AP3D1: variants seen among roughly 807,000 people sequenced by gnomAD.
AP3D1 encodes adaptor related protein complex 3 subunit delta 1.
Under a neutral mutation model 147.6 loss-of-function variants are expected in AP3D1, and 51 were observed. The observed-to-expected ratio is 0.35, with a 90% CI of 0.28 to 0.44. The LOEUF (loss-of-function observed/expected upper bound fraction) is 0.44. AP3D1 is among the 20% of genes least tolerant of loss of function. The pLI, the probability that AP3D1 is intolerant of heterozygous loss-of-function variation, is 1.00. For missense variants in AP3D1, 1,421 were observed against 1,624.2 expected, an observed-to-expected ratio of 0.87 and a Z score of 2.15; for synonymous variants, 760 against 663.0, an observed-to-expected ratio of 1.15 and a Z score of -2.25.
chr19:2,101,902 G>T lies in AP3D1; in HGVS notation c.*271C>A. 1 of 459,862 alleles carries T rather than the reference G, an allele frequency of 2.2e-6. No individual in the cohort carries two copies. The allele number at this position is 459,862 out of a possible 1,614,324, so 28.5% of individuals were successfully genotyped here. A position where few individuals can be genotyped will look rare whatever the true frequency, so the allele number is the denominator to read the frequency against. ...GGACTCGGCCCCCAGCGCGGGGCAG[G>T]GCACAGACCCAGGTGGGGGAGTCCC... On this transcript the variant is annotated 3_prime_UTR_variant, in exon 32 of 32. Transcript: ENST00000643116.
chr19:2,121,689 G>GAGAA lies in AP3D1; in HGVS notation c.1101+41_1101+44dup, dbSNP rs140896086. 2.2e-4 allele frequency: 341 copies of GAGAA among 1,535,496 alleles called. No homozygotes were observed. In the African/African-American group the frequency reaches 4.1e-3, roughly 18 times the overall value. ...TGCACCTGACACTTAATGTCCCTTA[G>GAGAA]AGAACTAAGGCCAGGCGGGCGGGCG... On this transcript the variant is annotated intron_variant, in intron 12 of 31. Transcript: ENST00000643116.
At position 2,101,883 on chromosome 19, in the gene AP3D1, G is replaced by A. The variant is rs1315248242; in HGVS notation, c.*290C>T. ...CCCCTGAAGCCACATTCAAGGACTC[G>A]GCCCCCAGCGCGGGGCAGGGCACAG... On this transcript the variant is annotated 3_prime_UTR_variant, in exon 32 of 32. Coordinates refer to ENST00000643116, the MANE Select transcript of AP3D1 (RefSeq NM_001261826.3). 1.5e-5 allele frequency: 6 copies of A among 397,336 alleles called. No individual in the cohort carries two copies. The highest frequency in any genetic ancestry group is 1.1e-4 in the African/African-American group (5 of 47,392). 24.6% of individuals were successfully genotyped at this position (397,336 alleles called of 1,614,324 possible). A position where few individuals can be genotyped will look rare whatever the true frequency, so the allele number is the denominator to read the frequency against.
intron 1 of AP3D1, chr19:2,164,030 C>CGCGGCGGCG (rs576715318): frequency 5.3e-5 from 16 of 301,060 alleles, no homozygotes; most frequent in African/African-American, 2.7e-4. Flanking sequence ...CGGACCGGAG[C>CGCGGCGGCG]GCGGCGGCGG....
chr19:2,124,588 T>C (rs970568535), intron 9 of AP3D1, among the ~76,000 whole-genome samples: 1 of 152,158 alleles, frequency 6.6e-6, no homozygotes, highest in African/African-American at 2.4e-5. Flanking sequence ...TGCGTGTGCA[T>C]GTGTTTTCTT....
At chr19:2,142,757 T>G (rs909332837) in intron 1 of AP3D1, among the ~76,000 whole-genome samples, 5 of 71,678 alleles carry the variant, frequency 7.0e-5, no homozygotes, top group Admixed American at 1.4e-4. Flanking sequence ...TTTTTTCTGT[T>G]TTTTTTTTTT....
rs61583847 is a variant in AP3D1 at position 2,137,001 on chromosome 19, G to C, written c.354+10C>G. 0.033 allele frequency: 52,650 copies of C among 1,579,858 alleles called. 2,213 individuals carry two copies. Among genetic ancestry groups the C allele is most frequent in the East Asian group, 0.18 (7,579 of 42,348 alleles). On this transcript the variant is annotated intron_variant, in intron 4 of 31. Coordinates refer to ENST00000643116, the MANE Select transcript of AP3D1 (RefSeq NM_001261826.3). ...TCAGCACAGAGCGGCCCCGGCCCGG[G>C]AACACCCACCTTACGGATCTGATTG...
At chr19:2,122,531 G>A (rs1253259254) in intron 11 of AP3D1, among the ~76,000 whole-genome samples, 1 of 152,226 alleles carries the variant, frequency 6.6e-6, no homozygotes, top group Non-Finnish European at 1.5e-5. Flanking sequence ...CTGACACGGC[G>A]GGCGGTACTG....
chr19:2,146,607 CAAAAA>C (rs397859951), intron 1 of AP3D1, among the ~76,000 whole-genome samples: 1 of 66,658 alleles, frequency 1.5e-5, no homozygotes. Context: ...GACCCTGTCT[CAAAAA>C]AAAAAAAAAA....
At position 2,114,739 on chromosome 19, in the gene AP3D1, T is replaced by C; in HGVS notation, c.2423+9A>G. 6.3e-7 allele frequency: 1 copy of C among 1,584,790 alleles called. No individual in the cohort carries two copies. The highest frequency in any genetic ancestry group is 8.6e-7 in the Non-Finnish European group (1 of 1,160,662). ...CCTCCACCCTCACCCTGAACCCATA[T>C]GGACTCACTTATCCAGGTCAATATC... On this transcript the variant is annotated intron_variant, in intron 21 of 31. Coordinates refer to ENST00000643116, the MANE Select transcript of AP3D1 (RefSeq NM_001261826.3).
intron 12 of AP3D1, 111 bp from the exon 13 acceptor site, chr19:2,121,422 G>A (rs1011514909): frequency 8.7e-6 from 12 of 1,371,822 alleles, no homozygotes; most frequent in South Asian, 5.2e-5. Flanking sequence ...AGGCGGACCC[G>A]GATTCACAGA....
intron 1 of AP3D1, among the ~76,000 whole-genome samples, chr19:2,147,156 C>T (rs533723261): frequency 1.3e-5 from 2 of 152,180 alleles, no homozygotes; most frequent in Admixed American, 6.5e-5. Context: ...ACCAGCCTGA[C>T]CAACATGGAG....
chr19:2,109,560 C>G, intron 29 of AP3D1: 1 of 487,822 alleles, frequency 2.0e-6, no homozygotes, highest in South Asian at 2.7e-5. Flanking sequence ...GGGTGCCGCA[C>G]GCCAAGCCGT....
intron 1 of AP3D1, among the ~76,000 whole-genome samples, chr19:2,144,527 C>T (rs1568307323): frequency 1.3e-5 from 2 of 152,178 alleles, no homozygotes; most frequent in Non-Finnish European, 1.5e-5. Flanking sequence ...TAGTCCAGCC[C>T]CAGCCCGTCT....
At chr19:2,108,545 G>A (rs1440061836) in intron 31 of AP3D1, 142 bp downstream of exon 31, 1 of 728,628 alleles carries the variant, frequency 1.4e-6, no homozygotes, top group South Asian at 1.8e-5. Context: ...GCTGGCACAG[G>A]TGAGGGGCTC....
Position 2,136,155 on chromosome 19 carries a change from C to T in AP3D1, c.354+856G>A, listed in dbSNP as rs956056095. Reference sequence around the variant, plus strand: ...TCTAGGGCGCATGTCGCCCGCGGCCCAGGCGGGACGCCCAGCTCTATAACC... The same window carrying T: ...TCTAGGGCGCATGTCGCCCGCGGCCTAGGCGGGACGCCCAGCTCTATAACC... On this transcript the variant is annotated intron_variant, in intron 4 of 31. Transcript: ENST00000643116. Among the ~76,000 whole-genome samples the T allele has an allele frequency of 9.2e-5, 14 of 152,254 alleles. No individual in the cohort carries two copies. In the East Asian group the frequency reaches 1.9e-3, roughly 21 times the overall value.
chr19:2,121,005 G>T lies in AP3D1; in HGVS notation c.1338C>A (p.Ile446=). 6.2e-7 allele frequency: 1 copy of T among 1,612,368 alleles called. No individual in the cohort carries two copies. Among genetic ancestry groups the T allele is most frequent in the South Asian group, 1.1e-5 (1 of 91,074 alleles). Residue 446 remains isoleucine (I), a synonymous_variant, in exon 14 of 32, where the codon ATC becomes ATA. Transcript: ENST00000643116. Reference sequence around the variant, plus strand: ...CGAACTTGCGGATGGCCTTCACGCGGATGGCCACGTCCAGCATTTGGGCGG... The same window carrying T: ...CGAACTTGCGGATGGCCTTCACGCGTATGGCCACGTCCAGCATTTGGGCGG... ...LIAAQMLDVA[I]RVKAIRKFAV...
At chr19:2,108,907 C>T in intron 30 of AP3D1, 141 bp from the exon 31 acceptor site, 2 of 1,314,246 alleles carry the variant, frequency 1.5e-6, no homozygotes, top group Non-Finnish European at 2.1e-6. Context: ...CCTGAGAGGC[C>T]TGGGGTGTGG....
chr19:2,137,165 C>A, intron 3 of AP3D1, 74 bp from the exon 4 acceptor site: 1 of 1,334,698 alleles, frequency 7.5e-7, no homozygotes, highest in Non-Finnish European at 1.0e-6. Flanking sequence ...TGCTCTGCAG[C>A]GACCACACCA....
intron 1 of AP3D1, among the ~76,000 whole-genome samples, chr19:2,159,221 CT>C (rs1226347011): frequency 1.0e-3 from 144 of 139,522 alleles, no homozygotes; most frequent in Admixed American, 1.0e-3. Context: ...ATCTCTCTCT[CT>C]TTTTTTTTTT....
Sources: allele counts gnomAD v4.1 joint callset (sites outside exome capture counted in the v4.1 genomes callset), GRCh38; gene constraint gnomAD v4.1.1; transcripts MANE v1.5; gene names NCBI Gene and HGNC (gene_info 2026-07-23, HGNC 2026-07-21).